TMEM132C: variants seen among roughly 807,000 people sequenced by gnomAD.
The protein encoded by TMEM132C is transmembrane protein 132C, also known as protein phosphatase 1, regulatory subunit 152.
In TMEM132C, 29 loss-of-function variants were observed where a neutral mutation model predicts 61.4. That is an observed-to-expected ratio of 0.47 (90% CI 0.35 to 0.64). The LOEUF is 0.64. Among genes scored for constraint, TMEM132C ranks in the 30% least tolerant of loss-of-function variants. The probability of loss-of-function intolerance (pLI) is 0.00; values close to 1 mark genes in which losing one functional copy is unlikely to be tolerated. For missense variants in TMEM132C, 1,408 were observed against 1,476.9 expected (o/e 0.95, Z 0.76); for synonymous variants, 656 against 633.1 (o/e 1.04, Z -0.54).
chr12:128,319,632 C>T (rs972158699), intron 1 of TMEM132C, among the ~76,000 whole-genome samples: 2 of 152,020 alleles, frequency 1.3e-5, no homozygotes, highest in African/African-American at 4.8e-5. Flanking sequence ...TCGAGACCAG[C>T]CTGGCCAATA....
intron 8 of TMEM132C, among the ~76,000 whole-genome samples, chr12:128,702,273 C>A (rs1954809432): frequency 6.6e-6 from 1 of 151,730 alleles, no homozygotes; most frequent in Admixed American, 6.6e-5. Flanking sequence ...TTTTTAATTT[C>A]TTTTTAATTT....
intron 3 of TMEM132C, among the ~76,000 whole-genome samples, chr12:128,551,586 C>A (rs1405662332): frequency 6.6e-6 from 1 of 152,186 alleles, no homozygotes; most frequent in African/African-American, 2.4e-5. Flanking sequence ...CAGGTCCTTC[C>A]CCGTCAGTGC....
intron 1 of TMEM132C, among the ~76,000 whole-genome samples, chr12:128,366,734 T>G (rs1158029651): frequency 1.3e-5 from 2 of 152,242 alleles, no homozygotes; most frequent in Non-Finnish European, 2.9e-5. Context: ...GGGATGGCAC[T>G]GGAAGTGTTG....
At chr12:128,418,032 C>A (rs1352765292) in intron 2 of TMEM132C, among the ~76,000 whole-genome samples, 1 of 152,164 alleles carries the variant, frequency 6.6e-6, no homozygotes, top group Non-Finnish European at 1.5e-5. Context: ...CCCTTCCGAT[C>A]TTTGCCATCA....
At chr12:128,333,374 A>G (rs1872712158) in intron 1 of TMEM132C, among the ~76,000 whole-genome samples, 1 of 151,810 alleles carries the variant, frequency 6.6e-6, no homozygotes, top group Non-Finnish European at 1.5e-5. Flanking sequence ...GAGAGTACAT[A>G]TGTATTTGAG....
intron 2 of TMEM132C, among the ~76,000 whole-genome samples, chr12:128,493,014 A>G (rs1871799170): frequency 6.6e-6 from 1 of 152,096 alleles, no homozygotes; most frequent in Admixed American, 6.5e-5. Context: ...TCCATCTTGA[A>G]TTAATTTTTG....
At chr12:128,515,304 C>A (rs935320960) in intron 2 of TMEM132C, among the ~76,000 whole-genome samples, 1 of 152,136 alleles carries the variant, frequency 6.6e-6, no homozygotes, top group South Asian at 2.1e-4. Flanking sequence ...CTGCATTTAC[C>A]CGTAATAATG....
At chr12:128,499,276 T>A (rs1872075096) in intron 2 of TMEM132C, among the ~76,000 whole-genome samples, 2 of 152,190 alleles carry the variant, frequency 1.3e-5, no homozygotes, top group Non-Finnish European at 2.9e-5. Context: ...TTTTAATTAT[T>A]CTGGATACGC....
chr12:128,391,895 T>C (rs1874775127), intron 1 of TMEM132C, among the ~76,000 whole-genome samples: 1 of 152,226 alleles, frequency 6.6e-6, no homozygotes, highest in African/African-American at 2.4e-5. Flanking sequence ...AGTCTTTATA[T>C]TTTTTAATGG....
chr12:128,375,460 G>A (rs1480479133), intron 1 of TMEM132C, among the ~76,000 whole-genome samples: 3 of 152,122 alleles, frequency 2.0e-5, no homozygotes, highest in African/African-American at 4.8e-5. Flanking sequence ...CTTAGCTTGT[G>A]GCTGCATCTC....
At position 128,697,368 on chromosome 12, in the gene TMEM132C, G is replaced by T. The variant is rs1029079183; in HGVS notation, c.2074G>T (p.Val692Leu). 6.4e-7 allele frequency: 1 copy of T among 1,550,572 alleles called. No individual in the cohort carries two copies. Among genetic ancestry groups the T allele is most frequent in the African/African-American group, 1.4e-5 (1 of 73,042 alleles). ...CCCCAACGCAGAAAACAGCAAGGCC[G>T]TAACAGCTGTGGTCACAGCTGAGGA... ...LYPNAENSKA[V>L]TAVVTAEEVL... The change falls in exon 8 of 9, where the codon GTA (valine) becomes TTA (leucine). Residue 692 changes from valine to leucine, a missense_variant. Val to Leu is a conservative substitution (Grantham distance 32, BLOSUM62 1). Coordinates refer to ENST00000435159, the MANE Select transcript of TMEM132C (RefSeq NM_001136103.3).
At chr12:128,543,287 CA>C (rs1339273758) in intron 2 of TMEM132C, among the ~76,000 whole-genome samples, 1 of 152,164 alleles carries the variant, frequency 6.6e-6, no homozygotes, top group Non-Finnish European at 1.5e-5. Flanking sequence ...AATCTCTTTA[CA>C]TCTATTTAAT....
chr12:128,337,592 C>T (rs1193601428), intron 1 of TMEM132C, among the ~76,000 whole-genome samples: 1 of 152,208 alleles, frequency 6.6e-6, no homozygotes, highest in Non-Finnish European at 1.5e-5. Context: ...AAATGAACCT[C>T]CAAACTGCCC....
At chr12:128,650,769 G>C (rs1178418577) in intron 4 of TMEM132C, among the ~76,000 whole-genome samples, 1 of 152,124 alleles carries the variant, frequency 6.6e-6, no homozygotes, top group East Asian at 1.9e-4. Flanking sequence ...TTCATCAGGA[G>C]ATTAGGGAGT....
chr12:128,557,348 C>A (rs190376585), intron 3 of TMEM132C, among the ~76,000 whole-genome samples: 1 of 152,326 alleles, frequency 6.6e-6, no homozygotes, highest in East Asian at 1.9e-4. Flanking sequence ...GCAAATATAT[C>A]TCTCAGCATC....
intron 3 of TMEM132C, among the ~76,000 whole-genome samples, chr12:128,614,345 C>G (rs562992953): frequency 4.7e-4 from 71 of 152,252 alleles, no homozygotes; most frequent in Admixed American, 2.6e-4. Flanking sequence ...AAAATGTAAA[C>G]AAATATCCAA....
At position 128,416,458 on chromosome 12, in the gene TMEM132C, TA is replaced by T. The variant is rs771498837; in HGVS notation, c.974+843del. 2.0e-4 allele frequency among the ~76,000 whole-genome samples: 31 copies of T among 152,372 alleles called. No individual in the cohort carries two copies. In the East Asian group the frequency reaches 4.2e-3, roughly 21 times the overall value. Reference sequence around the variant, plus strand: ...AAATTTGTTTAAAAAATAAATGGGATAAAAATGTTTTTTTCTTGTTATAGTT... The same window carrying T: ...AAATTTGTTTAAAAAATAAATGGGATAAAATGTTTTTTTCTTGTTATAGTT... On this transcript the variant is annotated intron_variant, in intron 2 of 8. Transcript: ENST00000435159.
At chr12:128,648,181 G>A (rs568593695) in intron 4 of TMEM132C, among the ~76,000 whole-genome samples, 324 of 152,224 alleles carry the variant, frequency 2.1e-3, no homozygotes, top group African/African-American at 7.4e-3. Context: ...AAATATGAGT[G>A]TGTTTACTGG....
chr12:128,596,717 C>G (rs1875966192), intron 3 of TMEM132C, among the ~76,000 whole-genome samples: 1 of 152,114 alleles, frequency 6.6e-6, no homozygotes, highest in African/African-American at 2.4e-5. Flanking sequence ...CTGGGCTGCC[C>G]CTTTCGCAGG....
Sources: allele counts gnomAD v4.1 joint callset (sites outside exome capture counted in the v4.1 genomes callset), GRCh38; gene constraint gnomAD v4.1.1; transcripts MANE v1.5; gene names NCBI Gene and HGNC (gene_info 2026-07-23, HGNC 2026-07-21).